The following MPDZ variants were observed in gnomAD, a reference collection of about 807,000 sequenced individuals.
The protein encoded by MPDZ is multiple PDZ domain crumbs cell polarity complex component, also known as multiple PDZ domain protein.
Under a neutral mutation model 239.1 loss-of-function variants are expected in MPDZ, and 234 were observed. That is an observed-to-expected ratio of 0.98 (90% CI 0.88 to 1.09). The LOEUF (loss-of-function observed/expected upper bound fraction) is 1.09. Among genes scored for constraint, MPDZ ranks in the 50% least tolerant of loss-of-function variants. The probability of loss-of-function intolerance (pLI) is 0.00; values close to 1 mark genes in which losing one functional copy is unlikely to be tolerated. For missense variants in MPDZ, 3,175 were observed against 2,510.0 expected (o/e 1.26, Z -5.66); for synonymous variants, 1,048 against 881.3 (o/e 1.19, Z -3.35).
rs545304089 is a variant in MPDZ, at chr9:13,142,884, T to C, written c.3840+582A>G. On this transcript the variant is annotated intron_variant, in intron 27 of 46. Transcript: ENST00000319217. ...TTATGGTATATAAATTCTTATAAAT[T>C]TGTGTTTCGATTTTGGTTTTATAAT... Among the ~76,000 whole-genome samples the C allele has an allele frequency of 1.1e-3, 166 of 152,220 alleles. 1 individual carries two copies. The South Asian group carries it at 0.011, about 10-fold the overall frequency.
chr9:13,185,787 G>A (rs977920463), intron 18 of MPDZ, among the ~76,000 whole-genome samples: 11 of 151,942 alleles, frequency 7.2e-5, no homozygotes, highest in African/African-American at 2.4e-4. Context: ...TTACATATAT[G>A]TATTTATAGA....
At chr9:13,257,693 C>T (rs930503794) in intron 1 of MPDZ, among the ~76,000 whole-genome samples, 1 of 152,152 alleles carries the variant, frequency 6.6e-6, no homozygotes, top group Non-Finnish European at 1.5e-5. Flanking sequence ...GATAATCTTA[C>T]TTTGCACTGC....
intron 3 of MPDZ, among the ~76,000 whole-genome samples, chr9:13,243,265 A>G (rs954462902): frequency 6.6e-6 from 1 of 152,174 alleles, no homozygotes; most frequent in Non-Finnish European, 1.5e-5. Flanking sequence ...AAATGAATAT[A>G]AGAATATGAG....
chr9:13,128,238 A>C (rs991385622), intron 32 of MPDZ, among the ~76,000 whole-genome samples: 2 of 152,226 alleles, frequency 1.3e-5, no homozygotes, highest in South Asian at 2.1e-4. Flanking sequence ...AACAAAGAGA[A>C]TACAGCAGAA....
intron 3 of MPDZ, among the ~76,000 whole-genome samples, chr9:13,247,172 A>G (rs1564123237): frequency 6.6e-6 from 1 of 152,190 alleles, no homozygotes; most frequent in South Asian, 2.1e-4. Flanking sequence ...TGACAATGTA[A>G]TTATTCCTTT....
At chr9:13,185,712 T>C (rs1464439174) in intron 18 of MPDZ, among the ~76,000 whole-genome samples, 1 of 152,164 alleles carries the variant, frequency 6.6e-6, no homozygotes, top group Non-Finnish European at 1.5e-5. Context: ...TTCCAATGGA[T>C]ACTATTTTAA....
chr9:13,173,074 T>C (rs767074370), intron 21 of MPDZ, among the ~76,000 whole-genome samples: 3 of 152,154 alleles, frequency 2.0e-5, no homozygotes, highest in Non-Finnish European at 2.9e-5. Context: ...ATCAAATTCA[T>C]AGAGACAGAA....
intron 1 of MPDZ, among the ~76,000 whole-genome samples, chr9:13,254,207 A>G (rs989131882): frequency 1.3e-5 from 2 of 152,338 alleles, no homozygotes; most frequent in African/African-American, 2.4e-5. Flanking sequence ...CCAACTGTTC[A>G]GACAAGGTAT....
chr9:13,110,312 C>G (rs909388561), intron 44 of MPDZ, among the ~76,000 whole-genome samples: 1 of 152,044 alleles, frequency 6.6e-6, no homozygotes, highest in Non-Finnish European at 1.5e-5. Context: ...AAAATGTGGT[C>G]TCATATGTAA....
Position 13,223,489 on chromosome 9 carries a change from T to A in MPDZ, c.533+82A>T, listed in dbSNP as rs558847283. The A allele has an allele frequency of 2.4e-5, 35 of 1,438,182 alleles. No individual in the cohort carries two copies. In the South Asian group the frequency reaches 5.9e-4, roughly 24 times the overall value. The allele number at this position is 1,438,182 out of a possible 1,614,324, so 89.1% of individuals were successfully genotyped here. ...TTCAATTTTTTGTTGCCATTCATTA[T>A]TATTTTTCTAAATTCCTGCATAGTA... is the stretch of plus-strand genomic sequence containing the variant. On this transcript the variant is annotated intron_variant, in intron 5 of 46. Transcript: ENST00000319217.
intron 1 of MPDZ, among the ~76,000 whole-genome samples, chr9:13,253,836 A>G (rs1340870006): frequency 2.6e-5 from 4 of 152,356 alleles, no homozygotes; most frequent in South Asian, 2.1e-4. Flanking sequence ...GATAACAGCA[A>G]ACACACAGCA....
chr9:13,188,090 A>C (rs939671341), intron 17 of MPDZ, among the ~76,000 whole-genome samples: 7 of 152,124 alleles, frequency 4.6e-5, no homozygotes, highest in African/African-American at 1.7e-4. Flanking sequence ...ACTTTATCCC[A>C]CTGTGATTAA....
chr9:13,106,900 C>A lies in MPDZ; in HGVS notation c.*65G>T. The A allele has an allele frequency of 1.3e-6, 2 of 1,559,020 alleles. No individual in the cohort carries two copies. The highest frequency in any genetic ancestry group is 1.2e-5 in the South Asian group (1 of 86,302). On this transcript the variant is annotated 3_prime_UTR_variant, in exon 47 of 47. Coordinates refer to ENST00000319217, the MANE Select transcript of MPDZ (RefSeq NM_001378778.1). The stretch of plus-strand genomic sequence containing the variant: ...AACACAGCATAAAAATTGTCAGGAC[C>A]AGTGCATTCTCTTTACAGTAGGAGG...
intron 21 of MPDZ, among the ~76,000 whole-genome samples, chr9:13,173,676 G>A (rs554969531): frequency 1.3e-5 from 2 of 150,798 alleles, no homozygotes; most frequent in African/African-American, 4.9e-5. Context: ...CTGCACTGCA[G>A]CCTGGGCAAC....
In MPDZ at chr9:13,183,437, A is replaced by C; in HGVS notation, c.2630T>G (p.Leu877Arg). 1 of 1,607,318 alleles carries C rather than the reference A, an allele frequency of 6.2e-7. No homozygotes were observed. The highest frequency in any genetic ancestry group is 8.5e-7 in the Non-Finnish European group (1 of 1,177,592). The change falls in exon 19 of 47, where the codon CTT becomes CGT. Residue 877 changes from leucine (L) to arginine (R), a missense_variant. Transcript: ENST00000319217. ...TTGTACCTTAGGAGGAGATGATGGA[A>C]GGGAAGAACCATAGTTCAGGCCATC... ...CGDGLNYGSS[L>R]PSSPPKDVIE...
At chr9:13,171,979 C>G (rs954292501) in intron 21 of MPDZ, among the ~76,000 whole-genome samples, 1 of 152,176 alleles carries the variant, frequency 6.6e-6, no homozygotes, top group African/African-American at 2.4e-5. Context: ...ATTTATCACA[C>G]TTTTTGTTAC....
chr9:13,110,766 A>G, intron 43 of MPDZ, 26 bp from the exon 44 acceptor site: 2 of 1,579,532 alleles, frequency 1.3e-6, no homozygotes, highest in Non-Finnish European at 1.7e-6. Context: ...AGAAACAGCC[A>G]TCTGCTAAAG....
intron 41 of MPDZ, 74 bp downstream of exon 41, chr9:13,113,857 G>C: frequency 8.8e-7 from 1 of 1,138,362 alleles, no homozygotes; most frequent in Non-Finnish European, 1.3e-6. Flanking sequence ...AGAAAGCTCA[G>C]AGGTAAACAA....
chr9:13,198,700 C>T lies in MPDZ; in HGVS notation c.1547-2470G>A, dbSNP rs1421219754. ...GTCCTGAAGCATTTTCCTAACGTTT[C>T]CTTCAGTTCTTATATTTAGGTCTTT... On this transcript the variant is annotated intron_variant, in intron 12 of 46. Transcript: ENST00000319217. Among the ~76,000 whole-genome samples, 4 of 131,730 alleles carry T rather than the reference C, an allele frequency of 3.0e-5. No individual in the cohort carries two copies. The East Asian group carries it at 9.0e-4, about 30-fold the overall frequency. The allele number at this position is 131,730 out of a possible 152,430, so 86.4% of individuals were successfully genotyped here. A position where few individuals can be genotyped will look rare whatever the true frequency, so the allele number is the denominator to read the frequency against.
Sources: gnomAD v4.1 joint callset for allele counts (sites outside exome capture counted in the v4.1 genomes callset) on GRCh38, gnomAD v4.1.1 for gene constraint, MANE v1.5 for transcripts, NCBI Gene and HGNC (gene_info 2026-07-23, HGNC 2026-07-21) for gene names.